The following USE1 variants were observed in gnomAD, a reference collection of about 807,000 sequenced individuals.
USE1 encodes the protein vesicle transport protein USE1.
USE1 carries 32 observed loss-of-function variants against 37.6 expected under a neutral mutation model. The ratio of observed to expected loss-of-function variants is 0.85; its 90% CI spans 0.64 to 1.14. The LOEUF is 1.14. USE1 is among the 50% of genes most tolerant of loss of function. The pLI, the probability that USE1 is intolerant of heterozygous loss-of-function variation, is 0.00. For missense variants in USE1, 310 were observed against 332.2 expected, an observed-to-expected ratio of 0.93 and a Z score of 0.52; for synonymous variants, 149 against 137.6, an observed-to-expected ratio of 1.08 and a Z score of -0.58.
rs748645315 is a variant in USE1 at position 17,219,666 on chromosome 19, C to T, written c.633C>T (p.Asn211=). 8 of 1,610,590 alleles carry T rather than the reference C, an allele frequency of 5.0e-6. No homozygotes were observed. Among genetic ancestry groups the T allele is most frequent in the East Asian group, 2.2e-5 (1 of 44,770 alleles). The part of the protein sequence containing the change: ...LSHSLKMADQ[N]LEKLKTESER... ...ACTCACTGAAAATGGCGGACCAGAA[C>T]CTGGAGAAACTGAAGACGGAGTCAG... Residue 211 remains asparagine, a synonymous_variant, in exon 8 of 8, where the codon AAC becomes AAT. Transcript: ENST00000263897.
intron 5 of USE1, 59 bp downstream of exon 5, chr19:17,217,521 T>C: frequency 6.3e-7 from 1 of 1,597,062 alleles, no homozygotes; most frequent in Non-Finnish European, 8.5e-7. Context: ...AAGACATGTA[T>C]CCTTGCTGCC....
chr19:17,216,059 G>A lies in USE1; in HGVS notation c.220G>A (p.Ala74Thr). Residue 74 changes from alanine to threonine, a missense_variant, in exon 3 of 8, where the codon GCC (alanine) becomes ACC (threonine). Transcript: ENST00000263897. ...GGATTTTCTGAAGGGGATGCTGCAA[G>A]CCGAGAAGCTGGTGAGAAGGGGTGC... ...KVDFLKGMLQ[A>T]EKLTSSSEKA... 6.2e-7 allele frequency: 1 copy of A among 1,612,502 alleles called. No homozygotes were observed. Among genetic ancestry groups the A allele is most frequent in the Non-Finnish European group, 8.5e-7 (1 of 1,179,292 alleles).
intron 4 of USE1, 26 bp downstream of exon 4, chr19:17,216,347 G>C: frequency 1.2e-6 from 2 of 1,603,086 alleles, no homozygotes; most frequent in Non-Finnish European, 1.7e-6. Context: ...TGGTCCCTGG[G>C]AATCCCTTGG....
rs1273174073 is a variant in USE1 at position 17,216,270 on chromosome 19, G to T, written c.333G>T (p.Leu111=). The T allele has an allele frequency of 1.2e-6, 2 of 1,613,122 alleles. No homozygotes were observed. Among genetic ancestry groups the T allele is most frequent in the Admixed American group, 3.3e-5 (2 of 60,024 alleles). The change falls in exon 4 of 8, where the codon CTG becomes CTT. Residue 111 remains leucine, a synonymous_variant. Transcript: ENST00000263897. ...TGCCCGCCACAAAGACGGTGCATCT[G>T]CAGTCACGGGCGCGGTACACCAGCG... is the stretch of plus-strand genomic sequence containing the variant. ...ERVPATKTVH[L]QSRARYTSEM...
chr19:17,216,754 C>T (rs1219571692), intron 4 of USE1, among the ~76,000 whole-genome samples: 2 of 151,886 alleles, frequency 1.3e-5, no homozygotes, highest in African/African-American at 4.8e-5. Context: ...CCGAGGCGGG[C>T]GGATCATTTG....
rs776402791 is a variant in USE1, at chr19:17,219,821, C to T, written c.*8C>T. 1.7e-5 allele frequency: 26 copies of T among 1,575,686 alleles called. No individual in the cohort carries two copies. The East Asian group carries it at 2.7e-4, about 16-fold the overall frequency. ...ATGCCTAAACTCAAATAAAGACCCCCGCCCACCTTGTCTGTCTTCCGTCTG... is the reference window on the plus strand; with the variant it reads ...ATGCCTAAACTCAAATAAAGACCCCTGCCCACCTTGTCTGTCTTCCGTCTG... On this transcript the variant is annotated 3_prime_UTR_variant, in exon 8 of 8. Coordinates refer to ENST00000263897, the MANE Select transcript of USE1 (RefSeq NM_018467.4).
intron 7 of USE1, 97 bp downstream of exon 7, chr19:17,219,484 T>C (rs1378729748): frequency 1.4e-6 from 2 of 1,445,558 alleles, no homozygotes; most frequent in African/African-American, 1.4e-5. Context: ...GCGGGATGAA[T>C]AGGAGTTTCG....
chr19:17,216,625 A>G (rs1599439236), intron 4 of USE1, among the ~76,000 whole-genome samples: 1 of 152,370 alleles, frequency 6.6e-6, no homozygotes, highest in Non-Finnish European at 1.5e-5. Flanking sequence ...CTTCAGCCGT[A>G]AAAGAGGATG....
chr19:17,215,531 G>A lies in USE1; in HGVS notation c.102+24G>A, dbSNP rs377622515. On this transcript the variant is annotated intron_variant, in intron 1 of 7. Coordinates refer to ENST00000263897, the MANE Select transcript of USE1 (RefSeq NM_018467.4). ...AGGTGAGGGGATCTCGCACTGCCGC[G>A]TAGAGCCCGACTCCCGGGGGGTGAT... 145 of 1,549,228 alleles carry A rather than the reference G, an allele frequency of 9.4e-5. 1 individual carries two copies. In the Middle Eastern group the frequency reaches 1.2e-3, roughly 13 times the overall value.
At chr19:17,216,911 G>C (rs2073294066) in intron 4 of USE1, among the ~76,000 whole-genome samples, 1 of 151,944 alleles carries the variant, frequency 6.6e-6, no homozygotes, top group Non-Finnish European at 1.5e-5. Context: ...CCAGGAGGCA[G>C]AGGTTGCGGT....
chr19:17,217,345 A>G (rs2073297044), intron 4 of USE1, 108 bp from the exon 5 acceptor site: 1 of 1,226,656 alleles, frequency 8.2e-7, no homozygotes, highest in Non-Finnish European at 1.2e-6. Context: ...TATGTTGGCC[A>G]GGCTGGTCTC....
intron 4 of USE1, 113 bp downstream of exon 4, chr19:17,216,434 G>A: frequency 7.0e-7 from 1 of 1,424,434 alleles, no homozygotes. Context: ...AGGGGGTCCA[G>A]CAATCTCTTC....
chr19:17,219,744 G>T lies in USE1; in HGVS notation c.711G>T (p.Met237Ile), dbSNP rs1370220476. ...CAGTCAACTGGCTGCTCTGGGCCATGCTCATTATCGTCTGCTTCATCTTCA... is the reference window on the plus strand; with the variant it reads ...CAGTCAACTGGCTGCTCTGGGCCATTCTCATTATCGTCTGCTTCATCTTCA... ...QKSVNWLLWA[M>I]LIIVCFIFIS... is the part of the protein sequence containing the mutation. Residue 237 changes from methionine to isoleucine, a missense_variant, in exon 8 of 8, where the codon ATG becomes ATT. Met to Ile is a conservative substitution (Grantham distance 10). Transcript: ENST00000263897. 1.2e-6 allele frequency: 2 copies of T among 1,612,902 alleles called. No homozygotes were observed. The highest frequency in any genetic ancestry group is 1.7e-6 in the Non-Finnish European group (2 of 1,179,288).
At chr19:17,218,678 T>C (rs2073305159) in intron 6 of USE1, 1 of 300,532 alleles carries the variant, frequency 3.3e-6, no homozygotes, top group African/African-American at 2.2e-5. Flanking sequence ...ATACAAAAAA[T>C]TAGCCGGGCA....
chr19:17,216,236 G>A lies in USE1; in HGVS notation c.299G>A (p.Arg100Lys), dbSNP rs767863073. ...LAPGRVPTTARERVPATKTVH... is the reference protein window; with the variant it reads ...LAPGRVPTTAKERVPATKTVH... ...CCTGGCCGTGTGCCAACCACAGCCA[G>A]AGAGCGAGTGCCCGCCACAAAGACG... is the stretch of plus-strand genomic sequence containing the variant. The change falls in exon 4 of 8, where the codon AGA becomes AAA. Residue 100 changes from arginine to lysine, a missense_variant. By Grantham distance (26) the Arg-to-Lys change is conservative. Coordinates refer to ENST00000263897, the MANE Select transcript of USE1 (RefSeq NM_018467.4). The A allele has an allele frequency of 1.2e-6, 2 of 1,612,838 alleles. No homozygotes were observed.
At chr19:17,219,443 C>A in intron 7 of USE1, 56 bp downstream of exon 7, 4 of 1,505,420 alleles carry the variant, frequency 2.7e-6, no homozygotes, top group Non-Finnish European at 3.6e-6. Flanking sequence ...GAGAAGGCTT[C>A]CCAGCACAGG....
intron 7 of USE1, 51 bp from the exon 8 acceptor site, chr19:17,219,580 A>T: frequency 1.3e-6 from 2 of 1,542,086 alleles, no homozygotes; most frequent in Non-Finnish European, 1.8e-6. Flanking sequence ...AAGTAGAGAG[A>T]GGCCATTCTT....
rs192154075 is a variant in USE1 at position 17,216,261 on chromosome 19, G to A, written c.324G>A (p.Thr108=). The part of the protein sequence containing the change: ...TARERVPATK[T]VHLQSRARYT... The stretch of plus-strand genomic sequence containing the variant: ...GAGAGCGAGTGCCCGCCACAAAGAC[G>A]GTGCATCTGCAGTCACGGGCGCGGT... The change falls in exon 4 of 8, where the codon ACG becomes ACA. Residue 108 remains threonine (T), a synonymous_variant. Coordinates refer to ENST00000263897, the MANE Select transcript of USE1 (RefSeq NM_018467.4). 4 of 1,613,124 alleles carry A rather than the reference G, an allele frequency of 2.5e-6. No individual in the cohort carries two copies. Among genetic ancestry groups the A allele is most frequent in the East Asian group, 2.2e-5 (1 of 44,880 alleles).
chr19:17,216,834 T>A (rs551066419), intron 4 of USE1, among the ~76,000 whole-genome samples: 32 of 151,852 alleles, frequency 2.1e-4, no homozygotes, highest in African/African-American at 7.5e-4. Flanking sequence ...CAAAATTAGC[T>A]GGGCATGGTG....
Sources: gnomAD v4.1 joint callset for allele counts (sites outside exome capture counted in the v4.1 genomes callset) on GRCh38, gnomAD v4.1.1 for gene constraint, MANE v1.5 for transcripts, NCBI Gene and HGNC (gene_info 2026-07-23, HGNC 2026-07-21) for gene names.